The following TLL1 variants were observed in gnomAD, a reference collection of about 807,000 sequenced individuals.
TLL1 encodes tolloid-like protein 1.
TLL1 carries 49 observed loss-of-function variants against 128.2 expected under a neutral mutation model. That is an observed-to-expected ratio of 0.38 (90% CI 0.30 to 0.48). The LOEUF is 0.48. TLL1 is among the 20% of genes least tolerant of loss of function. TLL1 has a pLI of 0.96. For missense variants in TLL1, 1,123 were observed against 1,242.0 expected (o/e 0.90, Z 1.44); for synonymous variants, 454 against 418.8 (o/e 1.08, Z -1.03).
chr4:166,068,151 A>G (rs1487927011), intron 16 of TLL1, among the ~76,000 whole-genome samples: 1 of 151,756 alleles, frequency 6.6e-6, no homozygotes, highest in Non-Finnish European at 1.5e-5. Context: ...TGGATGAGTG[A>G]TTAGATCTAT....
intron 1 of TLL1, among the ~76,000 whole-genome samples, chr4:165,987,580 G>A (rs534915616): frequency 6.6e-6 from 1 of 152,158 alleles, no homozygotes; most frequent in Non-Finnish European, 1.5e-5. Flanking sequence ...CTTTCCATTG[G>A]AAATAGGGCC....
At chr4:166,062,351 C>T (rs1473195721) in intron 15 of TLL1, among the ~76,000 whole-genome samples, 1 of 152,140 alleles carries the variant, frequency 6.6e-6, no homozygotes, top group Non-Finnish European at 1.5e-5. Flanking sequence ...TATCCATGAG[C>T]ATGGAATGTT....
chr4:166,062,409 AG>A lies in TLL1; in HGVS notation c.2007+2222del, dbSNP rs1264552010. On this transcript the variant is annotated intron_variant, in intron 15 of 20. Coordinates refer to ENST00000061240, the MANE Select transcript of TLL1 (RefSeq NM_012464.5). ...TTTATTTCGTTGATCAGTGGTTTAC[AG>A]TTCTCCTTGAAGAGGTCCTTCACAT... 9.2e-5 allele frequency among the ~76,000 whole-genome samples: 14 copies of A among 152,286 alleles called. No individual in the cohort carries two copies. In the East Asian group the frequency reaches 2.5e-3, roughly 27 times the overall value.
At chr4:166,082,760 C>T (rs1741345924) in intron 18 of TLL1, among the ~76,000 whole-genome samples, 1 of 152,094 alleles carries the variant, frequency 6.6e-6, no homozygotes. Context: ...TCACTGCAAC[C>T]TCTAACTCCC....
intron 1 of TLL1, among the ~76,000 whole-genome samples, chr4:165,896,486 T>C (rs1425900226): frequency 2.0e-5 from 3 of 148,326 alleles, no homozygotes; most frequent in Non-Finnish European, 4.5e-5. Flanking sequence ...TTTCTTTTTT[T>C]TTTTTTTTTT....
rs775162802 is a variant in TLL1, at chr4:166,099,534, A to G, written c.2907+7A>G. The G allele has an allele frequency of 3.7e-6, 6 of 1,612,876 alleles. No homozygotes were observed. Among genetic ancestry groups the G allele is most frequent in the African/African-American group, 1.3e-5 (1 of 74,718 alleles). ...TCGATTCTGTGGATCCGGGGTAAAT[A>G]TACCACCAACAGAATACCCTAGACA... On this transcript the variant is annotated splice_region_variant and intron_variant, in intron 20 of 20. Coordinates refer to ENST00000061240, the MANE Select transcript of TLL1 (RefSeq NM_012464.5).
chr4:166,080,591 CT>C (rs1741243593), intron 18 of TLL1, among the ~76,000 whole-genome samples: 1 of 151,866 alleles, frequency 6.6e-6, no homozygotes, highest in Non-Finnish European at 1.5e-5. Flanking sequence ...CTTTTTGTGT[CT>C]CTTTTTTTAT....
chr4:165,995,657 TATTC>T (rs1193480250), intron 5 of TLL1, among the ~76,000 whole-genome samples: 1 of 152,238 alleles, frequency 6.6e-6, no homozygotes, highest in Admixed American at 6.5e-5. Context: ...AGTTATGACT[TATTC>T]AGCAGTGTTT....
intron 1 of TLL1, among the ~76,000 whole-genome samples, chr4:165,920,294 G>A (rs1732988599): frequency 1.3e-5 from 2 of 152,138 alleles, no homozygotes; most frequent in South Asian, 4.1e-4. Flanking sequence ...TATTTGTCAG[G>A]CAGAAATGCA....
chr4:166,029,854 T>C (rs1738677013), intron 9 of TLL1, among the ~76,000 whole-genome samples: 1 of 152,070 alleles, frequency 6.6e-6, no homozygotes, highest in Non-Finnish European at 1.5e-5. Context: ...TAATATTCCA[T>C]TGTATGAATA....
At position 165,989,277 on chromosome 4, in the gene TLL1, C is replaced by T. The variant is rs560602102; in HGVS notation, c.170-104C>T. ...TACTTTCTGAAAGATCTGTCTCTATCCAGACCACGTTTCCATATTTTTAAC... is the reference window on the plus strand; with the variant it reads ...TACTTTCTGAAAGATCTGTCTCTATTCAGACCACGTTTCCATATTTTTAAC... On this transcript the variant is annotated intron_variant, in intron 1 of 20. Transcript: ENST00000061240. 13 of 846,006 alleles carry T rather than the reference C, an allele frequency of 1.5e-5. No individual in the cohort carries two copies. The South Asian group carries it at 1.8e-4, about 11-fold the overall frequency. 52.4% of individuals were successfully genotyped at this position (846,006 alleles called of 1,614,324 possible). A position where few individuals can be genotyped will look rare whatever the true frequency, so the allele number is the denominator to read the frequency against.
rs77721923 is a variant in TLL1, at chr4:165,945,729, G to T, written c.170-43652G>T. The stretch of plus-strand genomic sequence containing the variant: ...ATATATTCAGATATCTCAAAAAATG[G>T]CAGGGAATGAAAAACAAGAACATAA... On this transcript the variant is annotated intron_variant, in intron 1 of 20. Coordinates refer to ENST00000061240, the MANE Select transcript of TLL1 (RefSeq NM_012464.5). Among the ~76,000 whole-genome samples, 635 of 152,092 alleles carry T rather than the reference G, an allele frequency of 4.2e-3. 4 individuals carry two copies. The highest frequency in any genetic ancestry group is 0.014 in the African/African-American group (577 of 41,496).
intron 12 of TLL1, among the ~76,000 whole-genome samples, chr4:166,044,861 CATG>C (rs1648836482): frequency 6.6e-6 from 1 of 152,188 alleles, no homozygotes; most frequent in South Asian, 2.1e-4. Flanking sequence ...CTATTATAGA[CATG>C]ATGTCAGAAA....
intron 1 of TLL1, among the ~76,000 whole-genome samples, chr4:165,880,735 G>A (rs937446528): frequency 6.6e-6 from 1 of 152,106 alleles, no homozygotes. Context: ...TTCCATTGAC[G>A]ACATTTAATT....
chr4:165,961,892 AG>A (rs1308133028), intron 1 of TLL1, among the ~76,000 whole-genome samples: 1 of 152,162 alleles, frequency 6.6e-6, no homozygotes, highest in Non-Finnish European at 1.5e-5. Flanking sequence ...ATGCAGAAAA[AG>A]CTTTTGATAT....
chr4:165,939,905 G>A (rs1733928855), intron 1 of TLL1, among the ~76,000 whole-genome samples: 1 of 151,896 alleles, frequency 6.6e-6, no homozygotes. Flanking sequence ...GCCTTTTGTA[G>A]CATTCGACAC....
rs1234142657 is a variant in TLL1 at position 166,057,291 on chromosome 4, G to A, written c.1828G>A (p.Asp610Asn). 1 of 1,613,760 alleles carries A rather than the reference G, an allele frequency of 6.2e-7. No homozygotes were observed. Among genetic ancestry groups the A allele is most frequent in the Non-Finnish European group, 8.5e-7 (1 of 1,179,952 alleles). The change falls in exon 14 of 21, where the codon GAC becomes AAC. Residue 610 changes from aspartate (D) to asparagine (N), a missense_variant. Physicochemically the swap from Asp to Asn is conservative, Grantham distance 23 (BLOSUM62 1). Around this residue, in one of 3 missense-constraint regions of TLL1, gnomAD observed 634 missense variants for 672.4 expected, o/e 0.94. Transcript: ENST00000061240. ...ACEPGYELGP[D>N]RRSCEAACGG... The stretch of plus-strand genomic sequence containing the variant: ...TGAGCCTGGCTATGAGCTGGGCCCA[G>A]ACAGAAGGAGCTGTGAAGGTATGAC...
At chr4:166,068,646 C>G (rs1232307191) in intron 16 of TLL1, among the ~76,000 whole-genome samples, 1 of 151,680 alleles carries the variant, frequency 6.6e-6, no homozygotes, top group Non-Finnish European at 1.5e-5. Context: ...TCTATTTGCC[C>G]CAGAAATCCC....
rs1742416685 is a variant in TLL1 at position 166,104,261 on chromosome 4, A to C, written c.*3385A>C. On this transcript the variant is annotated 3_prime_UTR_variant, in exon 21 of 21. Transcript: ENST00000061240. ...AAAATTTATTTTTAAAAGAAACATT[A>C]AATTATATCTTTATGTAGATTTAGA... Among the ~76,000 whole-genome samples, 1 of 151,964 alleles carries C rather than the reference A, an allele frequency of 6.6e-6. No individual in the cohort carries two copies. Among genetic ancestry groups the C allele is most frequent in the Non-Finnish European group, 1.5e-5 (1 of 67,930 alleles).
Sources: gnomAD v4.1 joint callset for allele counts (sites outside exome capture counted in the v4.1 genomes callset) on GRCh38, gnomAD v4.1.1 for gene constraint, gnomAD v4.1.1 regional missense constraint, MANE v1.5 for transcripts, NCBI Gene and HGNC (gene_info 2026-07-23, HGNC 2026-07-21) for gene names.